NEBL: variants seen among roughly 807,000 people sequenced by gnomAD.
NEBL encodes nebulette.
NEBL carries 122 observed loss-of-function variants against 140.2 expected under a neutral mutation model. The observed-to-expected ratio is 0.87, with a 90% CI of 0.75 to 1.01. NEBL has a LOEUF of 1.01. Among genes scored for constraint, NEBL ranks in the 50% least tolerant of loss-of-function variants. The probability of loss-of-function intolerance (pLI) is 0.00; values close to 1 mark genes in which losing one functional copy is unlikely to be tolerated. For missense variants in NEBL, 1,365 were observed against 1,231.3 expected, an observed-to-expected ratio of 1.11 and a Z score of -1.62; for synonymous variants, 436 against 398.9, an observed-to-expected ratio of 1.09 and a Z score of -1.11.
intron 3 of NEBL, among the ~76,000 whole-genome samples, chr10:21,181,770 C>T (rs562272657): frequency 5.9e-5 from 9 of 152,364 alleles, no homozygotes; most frequent in South Asian, 4.1e-4. Flanking sequence ...CGTGACCACA[C>T]GTGGGCCCTC....
At chr10:20,813,023 T>A in intron 23 of NEBL, 83 bp from the exon 24 acceptor site, 1 of 1,122,570 alleles carries the variant, frequency 8.9e-7, no homozygotes, top group South Asian at 1.3e-5. Flanking sequence ...AGGTGTACAC[T>A]GCACTGGCTG....
intron 3 of NEBL, among the ~76,000 whole-genome samples, chr10:20,888,857 C>T (rs1019954400): frequency 3.3e-5 from 5 of 152,194 alleles, no homozygotes; most frequent in Admixed American, 6.5e-5. Flanking sequence ...TTTATCTGCA[C>T]GGGAGAATGG....
rs183617715 is a variant in NEBL, at chr10:21,116,560, C to G, written c.164+55823G>C. Reference sequence around the variant, plus strand: ...GGTCACAATTCAGTCCATAGCAGTCCTTGTCTAGTAATTCTATCATCTGTG... The same window carrying G: ...GGTCACAATTCAGTCCATAGCAGTCGTTGTCTAGTAATTCTATCATCTGTG... On this transcript the variant is annotated intron_variant, in intron 2 of 6. Coordinates refer to the NEBL transcript ENST00000417816. Among the ~76,000 whole-genome samples the G allele has an allele frequency of 1.9e-4, 29 of 152,192 alleles. No individual in the cohort carries two copies. In the East Asian group the frequency reaches 5.2e-3, roughly 27 times the overall value.
intron 3 of NEBL, among the ~76,000 whole-genome samples, chr10:21,016,251 C>A (rs1838550808): frequency 6.6e-6 from 1 of 152,224 alleles, no homozygotes; most frequent in Non-Finnish European, 1.5e-5. Flanking sequence ...TGGATGTTCA[C>A]CAGGTACTGG....
In NEBL at chr10:21,250,222, G is replaced by A. The variant is rs114513373; in HGVS notation, n.279+1510C>T. 1.0e-2 allele frequency among the ~76,000 whole-genome samples: 1,521 copies of A among 152,292 alleles called. 28 individuals carry two copies. The highest frequency in any genetic ancestry group is 0.035 in the African/African-American group (1,457 of 41,556). On this transcript the variant is annotated intron_variant and non_coding_transcript_variant, in intron 2 of 8. Coordinates refer to the NEBL transcript ENST00000675702. ...TTGAGTCCATGAGCTGAGAAAGGCA[G>A]ATGCACCCTTAATCTGAGTGGGCAC... is the stretch of plus-strand genomic sequence containing the variant.
intron 2 of NEBL, among the ~76,000 whole-genome samples, chr10:21,099,309 C>T (rs1408630035): frequency 6.6e-6 from 1 of 152,130 alleles, no homozygotes; most frequent in African/African-American, 2.4e-5. Flanking sequence ...GCCCACCCAC[C>T]GACATGGCTG....
chr10:21,200,617 C>A (rs1399975634), intron 3 of NEBL, among the ~76,000 whole-genome samples: 1 of 152,146 alleles, frequency 6.6e-6, no homozygotes, highest in African/African-American at 2.4e-5. Context: ...CCCAACCCCA[C>A]GGGAATTTTA....
At chr10:21,146,217 A>C (rs778138633) in intron 2 of NEBL, 20 of 725,420 alleles carry the variant, frequency 2.8e-5, no homozygotes, top group Non-Finnish European at 4.3e-5. Context: ...AGTTTATTTC[A>C]TGCAGAGGGT....
intron 2 of NEBL, among the ~76,000 whole-genome samples, chr10:21,122,627 C>T (rs1287798182): frequency 1.3e-5 from 2 of 152,070 alleles, no homozygotes; most frequent in Non-Finnish European, 2.9e-5. Context: ...CTATAAAAGG[C>T]AGAAAATGAG....
chr10:20,792,131 A>G (rs1348429032), intron 26 of NEBL, among the ~76,000 whole-genome samples: 16 of 151,824 alleles, frequency 1.1e-4, no homozygotes, highest in Admixed American at 1.0e-3. Context: ...TAGAAAAAAA[A>G]AAAAAAGAAA....
rs572982231 is a variant in NEBL, at chr10:20,978,703, C to T, written c.250-16924G>A. Among the ~76,000 whole-genome samples the T allele has an allele frequency of 1.2e-4, 18 of 151,492 alleles. No individual in the cohort carries two copies. The South Asian group carries it at 1.5e-3, about 12-fold the overall frequency. ...CCAGGAGTTTGAGGCTGCAGTGAGC[C>T]GTGATTGTGCCACTGCACTCCAGCC... On this transcript the variant is annotated intron_variant, in intron 3 of 6. Coordinates refer to the NEBL transcript ENST00000417816.
intron 2 of NEBL, among the ~76,000 whole-genome samples, chr10:21,109,285 A>C (rs1827095166): frequency 6.6e-6 from 1 of 152,142 alleles, no homozygotes; most frequent in Non-Finnish European, 1.5e-5. Flanking sequence ...GGTTCTGTTT[A>C]TGTGATGGAT....
At chr10:21,062,915 C>T (rs1404450128) in intron 2 of NEBL, among the ~76,000 whole-genome samples, 3 of 151,824 alleles carry the variant, frequency 2.0e-5, no homozygotes, top group Non-Finnish European at 4.4e-5. Context: ...TAAAAGAGAA[C>T]AGAGAAGGAC....
chr10:20,858,481 A>G (rs1008003714), intron 8 of NEBL, 137 bp from the exon 9 acceptor site: 1 of 742,450 alleles, frequency 1.3e-6, no homozygotes, highest in African/African-American at 1.7e-5. Context: ...GAGCCACTAG[A>G]TGGTGCTGAT....
At chr10:20,994,506 A>G (rs940928312) in intron 3 of NEBL, among the ~76,000 whole-genome samples, 1 of 152,232 alleles carries the variant, frequency 6.6e-6, no homozygotes, top group African/African-American at 2.4e-5. Context: ...ATCCAGACTC[A>G]AAGATAATTA....
At chr10:21,076,732 A>G (rs1836113340) in intron 2 of NEBL, among the ~76,000 whole-genome samples, 1 of 152,216 alleles carries the variant, frequency 6.6e-6, no homozygotes, top group African/African-American at 2.4e-5. Context: ...AAACTTGAGG[A>G]CATTATAATT....
chr10:20,923,903 C>A (rs1564445341), intron 4 of NEBL, among the ~76,000 whole-genome samples: 1 of 151,874 alleles, frequency 6.6e-6, no homozygotes, highest in Non-Finnish European at 1.5e-5. Context: ...GAGGATGAAA[C>A]CCAGCCCACA....
At chr10:20,793,183 AAACT>A (rs1347803652) in intron 26 of NEBL, 4 of 194,784 alleles carry the variant, frequency 2.1e-5, no homozygotes, top group Non-Finnish European at 3.7e-5. Flanking sequence ...ACTGCATAAT[AAACT>A]AAGAATACCC....
intron 3 of NEBL, among the ~76,000 whole-genome samples, chr10:20,979,332 A>G (rs1836937245): frequency 6.6e-6 from 1 of 152,160 alleles, no homozygotes; most frequent in African/African-American, 2.4e-5. Flanking sequence ...GAAGAAAAAA[A>G]AAAGAAAAAC....
Sources: gnomAD v4.1 joint callset for allele counts (sites outside exome capture counted in the v4.1 genomes callset) on GRCh38, gnomAD v4.1.1 for gene constraint, MANE v1.5 for transcripts, NCBI Gene and HGNC (gene_info 2026-07-23, HGNC 2026-07-21) for gene names.